The following NKAIN3 variants were observed in gnomAD, a reference collection of about 807,000 sequenced individuals.
NKAIN3 encodes sodium/potassium-transporting ATPase subunit beta-1-interacting protein 3.
Under a neutral mutation model 30.2 loss-of-function variants are expected in NKAIN3, and 25 were observed. The ratio of observed to expected loss-of-function variants is 0.83; its 90% CI spans 0.60 to 1.16. NKAIN3 has a LOEUF of 1.16. Among genes scored for constraint, NKAIN3 ranks in the 50% most tolerant of loss-of-function variants. NKAIN3 has a pLI of 0.00. For synonymous variants in NKAIN3, 91 were observed against 89.6 expected (o/e 1.02, Z -0.09); for missense variants, 225 against 254.1 (o/e 0.89, Z 0.78).
intron 1 of NKAIN3, among the ~76,000 whole-genome samples, chr8:62,430,433 T>C (rs1804960173): frequency 6.7e-6 from 1 of 150,294 alleles, no homozygotes; most frequent in Non-Finnish European, 1.5e-5. Context: ...GAGACCCTGC[T>C]TTCAATATTT....
At chr8:62,716,784 C>G (rs1428380574) in intron 3 of NKAIN3, among the ~76,000 whole-genome samples, 1 of 151,770 alleles carries the variant, frequency 6.6e-6, no homozygotes, top group East Asian at 1.9e-4. Context: ...AGAATAACAG[C>G]TGTCAGGAAT....
chr8:62,837,983 T>C (rs1444562197), intron 4 of NKAIN3, among the ~76,000 whole-genome samples: 1 of 152,012 alleles, frequency 6.6e-6, no homozygotes, highest in African/African-American at 2.4e-5. Context: ...CTAATGCTGA[T>C]AAGAATGATA....
At chr8:62,700,828 A>T (rs536387405) in intron 3 of NKAIN3, among the ~76,000 whole-genome samples, 1 of 152,244 alleles carries the variant, frequency 6.6e-6, no homozygotes, top group Non-Finnish European at 1.5e-5. Flanking sequence ...TGCAAAATAA[A>T]TTATCATCAG....
At chr8:62,728,909 G>C (rs1815353119) in intron 3 of NKAIN3, among the ~76,000 whole-genome samples, 1 of 150,640 alleles carries the variant, frequency 6.6e-6, no homozygotes, top group East Asian at 2.0e-4. Context: ...AGAATGGCGT[G>C]AACCCGGAAG....
chr8:62,665,342 C>A (rs1428436331), intron 3 of NKAIN3, among the ~76,000 whole-genome samples: 1 of 151,748 alleles, frequency 6.6e-6, no homozygotes. Flanking sequence ...CAAGTTGTAA[C>A]TTTTGAGTAA....
rs1307133064 is a variant in NKAIN3, at chr8:62,983,068, C to T, written c.*17661C>T. 6.6e-6 allele frequency: 1 copy of T among 152,160 alleles called. No homozygotes were observed. Among genetic ancestry groups the T allele is most frequent in the African/African-American group, 2.4e-5 (1 of 41,416 alleles). 9.4% of individuals were successfully genotyped at this position (152,160 alleles called of 1,614,324 possible). A position where few individuals can be genotyped will look rare whatever the true frequency, so the allele number is the denominator to read the frequency against. On this transcript the variant is annotated 3_prime_UTR_variant, in exon 7 of 7. Coordinates refer to ENST00000623646, the MANE Select transcript of NKAIN3 (RefSeq NM_001304533.3). The stretch of plus-strand genomic sequence containing the variant: ...TCACTGCAGGTAGCTACCATACCAG[C>T]ATTTGGTAAACTAGCTCCCTAGGTG...
intron 4 of NKAIN3, among the ~76,000 whole-genome samples, chr8:62,770,566 A>C (rs1816978525): frequency 6.6e-6 from 1 of 152,094 alleles, no homozygotes; most frequent in South Asian, 2.1e-4. Flanking sequence ...GTCTCTTCTT[A>C]TGAGGGTACT....
chr8:62,329,874 T>C (rs533044672), intron 1 of NKAIN3, among the ~76,000 whole-genome samples: 2 of 152,180 alleles, frequency 1.3e-5, no homozygotes, highest in Admixed American at 6.6e-5. Flanking sequence ...GATTGCTGGG[T>C]CAAATAGTAG....
Position 62,302,206 on chromosome 8 carries a change from G to C in NKAIN3, c.54+53079G>C, listed in dbSNP as rs561228060. On this transcript the variant is annotated intron_variant, in intron 1 of 6. Coordinates refer to ENST00000623646, the MANE Select transcript of NKAIN3 (RefSeq NM_001304533.3). ...CGGCAAATGGGTAAACCAGGGCATT[G>C]ATGTGGGTTACCTACTCATTAGGAA... Among the ~76,000 whole-genome samples the C allele has an allele frequency of 2.0e-5, 3 of 152,142 alleles. No individual in the cohort carries two copies. The South Asian group carries it at 6.2e-4, about 31-fold the overall frequency.
intron 1 of NKAIN3, among the ~76,000 whole-genome samples, chr8:62,560,829 T>C (rs1441873439): frequency 1.3e-5 from 2 of 151,988 alleles, no homozygotes; most frequent in Non-Finnish European, 2.9e-5. Context: ...GGGTGAGCCA[T>C]CACGGAATCT....
chr8:62,622,870 A>G (rs1177340845), intron 3 of NKAIN3, among the ~76,000 whole-genome samples: 1 of 152,008 alleles, frequency 6.6e-6, no homozygotes, highest in East Asian at 1.9e-4. Flanking sequence ...ATTTTCTCCT[A>G]CTTTTTTCTA....
chr8:62,269,108 T>A (rs1249315292), intron 1 of NKAIN3, among the ~76,000 whole-genome samples: 1 of 152,164 alleles, frequency 6.6e-6, no homozygotes, highest in Non-Finnish European at 1.5e-5. Context: ...TTGGATGTAA[T>A]GTGCGGGAGA....
intron 4 of NKAIN3, chr8:62,856,472 G>A: frequency 1.3e-6 from 1 of 785,306 alleles, no homozygotes; most frequent in Non-Finnish European, 2.3e-6. Flanking sequence ...AAGCCCCCAG[G>A]TTTCTTCAGG....
chr8:62,776,606 G>T (rs1424980514), intron 4 of NKAIN3, among the ~76,000 whole-genome samples: 1 of 152,088 alleles, frequency 6.6e-6, no homozygotes, highest in Non-Finnish European at 1.5e-5. Flanking sequence ...TTAAGTTCTT[G>T]CCCCTGCTTT....
At chr8:62,917,326 C>G (rs1476044461) in intron 4 of NKAIN3, among the ~76,000 whole-genome samples, 1 of 152,210 alleles carries the variant, frequency 6.6e-6, no homozygotes, top group African/African-American at 2.4e-5. Context: ...TCGCAGCACC[C>G]CCTCACCTGG....
Position 62,595,370 on chromosome 8 carries a change from T to TC in NKAIN3, c.273+5576_273+5577insC, listed in dbSNP as rs1554551929. ...ATCTGTTTCACCATTTGGGGTTTTT[T>TC]GGGGCTATTTTCTTTTTTTTTTTTT... is the stretch of plus-strand genomic sequence containing the variant. On this transcript the variant is annotated intron_variant, in intron 3 of 6. Coordinates refer to ENST00000623646, the MANE Select transcript of NKAIN3 (RefSeq NM_001304533.3). Among the ~76,000 whole-genome samples the TC allele has an allele frequency of 1.5e-5, 2 of 133,528 alleles. 1 individual carries two copies. Among genetic ancestry groups the TC allele is most frequent in the Non-Finnish European group, 3.2e-5 (2 of 62,778 alleles). The allele number at this position is 133,528 out of a possible 152,430, so 87.6% of individuals were successfully genotyped here.
At chr8:62,948,450 G>A (rs1017965319) in intron 5 of NKAIN3, among the ~76,000 whole-genome samples, 1 of 151,898 alleles carries the variant, frequency 6.6e-6, no homozygotes, top group Non-Finnish European at 1.5e-5. Context: ...TGCCTGCCTC[G>A]GCCTCCCAAA....
intron 1 of NKAIN3, among the ~76,000 whole-genome samples, chr8:62,528,298 TATTATATTATATATA>T: frequency 3.6e-5 from 4 of 109,938 alleles, no homozygotes; most frequent in African/African-American, 1.7e-4. Context: ...TATATATATA[TATTATATTATATATA>T]TATATTATAT....
At chr8:62,777,721 G>A in intron 4 of NKAIN3, among the ~76,000 whole-genome samples, 1 of 152,098 alleles carries the variant, frequency 6.6e-6, no homozygotes, top group East Asian at 1.9e-4. Flanking sequence ...TGTTTGGTAA[G>A]GTCATAATTT....
Sources: gnomAD v4.1 joint callset for allele counts (sites outside exome capture counted in the v4.1 genomes callset) on GRCh38, gnomAD v4.1.1 for gene constraint, MANE v1.5 for transcripts, NCBI Gene and HGNC (gene_info 2026-07-23, HGNC 2026-07-21) for gene names.